Variants in PPM1A observed in about 807,000 individuals in gnomAD.
PPM1A encodes the protein protein phosphatase 1A.
In PPM1A, 7 loss-of-function variants were observed where a neutral mutation model predicts 35.0. The ratio of observed to expected loss-of-function variants is 0.20; its 90% CI spans 0.11 to 0.38. The LOEUF (loss-of-function observed/expected upper bound fraction) is 0.38, where lower values mean the gene tolerates loss of function less well. Among genes scored for constraint, PPM1A ranks in the 10% least tolerant of loss-of-function variants. The pLI is 1.00. For missense variants in PPM1A, 239 were observed against 467.8 expected (o/e 0.51, Z 4.51); for synonymous variants, 153 against 167.3 (o/e 0.91, Z 0.66).
In PPM1A at chr14:60,282,004, ATAACT is replaced by A. The variant is rs748795246; in HGVS notation, c.-20-674_-20-670del. Among the ~76,000 whole-genome samples, 35 of 152,330 alleles carry A rather than the reference ATAACT, an allele frequency of 2.3e-4. No homozygotes were observed. The highest frequency in any genetic ancestry group is 9.1e-4 in the Admixed American group (14 of 15,302). ...AGGCTACAACATTTACAGTAATTTA[ATAACT>A]TAACTGACTTTATCAAAAACTGAAA... is the stretch of plus-strand genomic sequence containing the variant. On this transcript the variant is annotated intron_variant, in intron 1 of 5. Coordinates refer to ENST00000395076, the MANE Select transcript of PPM1A (RefSeq NM_021003.5). This position sits in a 1 kb window ranked among gnomAD's most constrained non-coding sequence, Gnocchi z 5.1.
intron 1 of PPM1A, among the ~76,000 whole-genome samples, chr14:60,264,746 T>G (rs562313897): frequency 1.3e-5 from 2 of 152,324 alleles, no homozygotes; most frequent in East Asian, 3.9e-4. Context: ...TCTAATTTAC[T>G]AATTCACACT....
intron 1 of PPM1A, among the ~76,000 whole-genome samples, chr14:60,279,786 C>G (rs1886177704): frequency 6.6e-6 from 1 of 152,088 alleles, no homozygotes; most frequent in African/African-American, 2.4e-5. Flanking sequence ...TAAAATATAT[C>G]ACATAGAAGT....
chr14:60,281,771 G>C (rs886643961), intron 1 of PPM1A, among the ~76,000 whole-genome samples: 2 of 152,160 alleles, frequency 1.3e-5, no homozygotes, highest in Non-Finnish European at 2.9e-5. Context: ...TATTGGAAAA[G>C]GATTAGATTA....
chr14:60,251,881 G>A (rs1279900834), intron 1 of PPM1A, among the ~76,000 whole-genome samples: 2 of 151,804 alleles, frequency 1.3e-5, no homozygotes, highest in African/African-American at 2.4e-5. Context: ...ACAAAGGGTG[G>A]TTGAGACTAC....
chr14:60,252,849 T>C (rs1381268422), intron 1 of PPM1A, among the ~76,000 whole-genome samples: 1 of 152,186 alleles, frequency 6.6e-6, no homozygotes, highest in Non-Finnish European at 1.5e-5. Context: ...AATATATTCT[T>C]TGATGATTTT....
At position 60,250,047 on chromosome 14, in the gene PPM1A, G is replaced by T. The variant is rs1595248381; in HGVS notation, c.-21+370G>T. On this transcript the variant is annotated intron_variant, in intron 1 of 5. Coordinates refer to ENST00000395076, the MANE Select transcript of PPM1A (RefSeq NM_021003.5). The stretch of plus-strand genomic sequence containing the variant: ...TGCAGAACTTTTCCCGAGCGGGGAG[G>T]GGGCGTCCCCGCGCCCCCACCCGCT... Among the ~76,000 whole-genome samples the T allele has an allele frequency of 1.3e-4, 19 of 151,560 alleles. No homozygotes were observed. The South Asian group carries it at 4.0e-3, about 32-fold the overall frequency.
intron 1 of PPM1A, among the ~76,000 whole-genome samples, chr14:60,264,237 G>A (rs990753995): frequency 1.3e-5 from 2 of 152,214 alleles, no homozygotes; most frequent in African/African-American, 2.4e-5. Context: ...AGCAACCTCA[G>A]TATATTATTT....
chr14:60,265,759 A>G (rs985277932), intron 1 of PPM1A, among the ~76,000 whole-genome samples: 4 of 152,148 alleles, frequency 2.6e-5, no homozygotes. Flanking sequence ...CAGGAATGCA[A>G]GAGAGCACAA....
intron 1 of PPM1A, among the ~76,000 whole-genome samples, chr14:60,253,223 AAG>A (rs1271692492): frequency 2.0e-5 from 3 of 152,136 alleles, no homozygotes; most frequent in Non-Finnish European, 4.4e-5. Context: ...TCTGGATTAA[AAG>A]TGATTAGTTT....
At chr14:60,247,865 A>G (rs1236095356), upstream of PPM1A, among the ~76,000 whole-genome samples, 3 of 152,156 alleles carry the variant, frequency 2.0e-5, no homozygotes, top group Non-Finnish European at 2.9e-5. Context: ...TAAAATAGAG[A>G]GGCCTTCAAC....
At chr14:60,253,160 A>T (rs1221867256) in intron 1 of PPM1A, among the ~76,000 whole-genome samples, 1 of 152,114 alleles carries the variant, frequency 6.6e-6, no homozygotes, top group Non-Finnish European at 1.5e-5. Context: ...ATAATTCTTA[A>T]TATGTTTATT....
chr14:60,277,217 T>G (rs1421553155), intron 1 of PPM1A: 1 of 197,264 alleles, frequency 5.1e-6, no homozygotes, highest in African/African-American at 2.4e-5. Flanking sequence ...TACTCTTTAT[T>G]AGTCCACTTA....
chr14:60,270,644 A>G (rs1383744173), intron 1 of PPM1A, among the ~76,000 whole-genome samples: 1 of 152,180 alleles, frequency 6.6e-6, no homozygotes, highest in East Asian at 1.9e-4. Context: ...TTTGAGAGAA[A>G]TGATAGGGAT....
chr14:60,292,638 G>C lies in PPM1A; in HGVS notation c.*156G>C. On this transcript the variant is annotated 3_prime_UTR_variant, in exon 6 of 6. Transcript: ENST00000395076. The surrounding 1 kb of genome is among the most constrained non-coding windows in gnomAD (Gnocchi z 4.2). ...GAGAACTTCAGCAGTACAACAGCTA[G>C]CCCAGAACTGATTTTTTTTTTTTTT... The C allele has an allele frequency of 2.3e-6, 1 of 437,988 alleles. No individual in the cohort carries two copies. The highest frequency in any genetic ancestry group is 3.9e-6 in the Non-Finnish European group (1 of 257,384). The allele number at this position is 437,988 out of a possible 1,614,324, so 27.1% of individuals were successfully genotyped here. A position where few individuals can be genotyped will look rare whatever the true frequency, so the allele number is the denominator to read the frequency against.
In PPM1A at chr14:60,293,837, G is replaced by A. The variant is rs1887857909; in HGVS notation, c.*1355G>A. 1 of 151,908 alleles carries A rather than the reference G, an allele frequency of 6.6e-6. No homozygotes were observed. The highest frequency in any genetic ancestry group is 2.4e-5 in the African/African-American group (1 of 41,406). 9.4% of individuals were successfully genotyped at this position (151,908 alleles called of 1,614,324 possible). A position where few individuals can be genotyped will look rare whatever the true frequency, so the allele number is the denominator to read the frequency against. ...AACTTTCAAAGCTTAAGGAATTGTA[G>A]ATATAAAAATAACCTAATTTAATTT... On this transcript the variant is annotated 3_prime_UTR_variant, in exon 6 of 6. Transcript: ENST00000395076. The surrounding 1 kb of genome is among the most constrained non-coding windows in gnomAD (Gnocchi z 4.0).
At chr14:60,248,103 T>C (rs1368803152), upstream of PPM1A, among the ~76,000 whole-genome samples, 1 of 152,228 alleles carries the variant, frequency 6.6e-6, no homozygotes, top group Non-Finnish European at 1.5e-5. Flanking sequence ...GTGCTGGTGA[T>C]GTACTGCTCC....
rs1294125440 is a variant in PPM1A at position 60,293,635 on chromosome 14, T to G, written c.*1153T>G. On this transcript the variant is annotated 3_prime_UTR_variant, in exon 6 of 6. Coordinates refer to ENST00000395076, the MANE Select transcript of PPM1A (RefSeq NM_021003.5). This position sits in a 1 kb window ranked among gnomAD's most constrained non-coding sequence, Gnocchi z 4.0. The stretch of plus-strand genomic sequence containing the variant: ...GCCTACTGTTTAATTAAAATATTTA[T>G]TGTCAAAGTTTGACAATCTAACACT... The G allele has an allele frequency of 6.6e-6, 1 of 151,952 alleles. No homozygotes were observed. The highest frequency in any genetic ancestry group is 2.4e-5 in the African/African-American group (1 of 41,418). The allele number at this position is 151,952 out of a possible 1,614,324, so 9.4% of individuals were successfully genotyped here.
At chr14:60,248,397 A>G (rs1396248596), upstream of PPM1A, among the ~76,000 whole-genome samples, 1 of 152,218 alleles carries the variant, frequency 6.6e-6, no homozygotes, top group Non-Finnish European at 1.5e-5. Flanking sequence ...AAATAAATAC[A>G]ATGTGGAATC....
upstream of PPM1A, chr14:60,245,817 T>G (rs771152764): frequency 2.6e-6 from 4 of 1,544,300 alleles, no homozygotes; most frequent in Non-Finnish European, 3.5e-6. This position sits in a 1 kb window ranked among gnomAD's most constrained non-coding sequence, Gnocchi z 4.2. Context: ...TCTCCCTGAA[T>G]GAAATTCATT....
Sources: allele counts gnomAD v4.1 joint callset (sites outside exome capture counted in the v4.1 genomes callset), GRCh38; gene constraint gnomAD v4.1.1; non-coding constraint Gnocchi (gnomAD v3.1); transcripts MANE v1.5; gene names NCBI Gene and HGNC (gene_info 2026-07-23, HGNC 2026-07-21).